The following FAM135B variants were observed in gnomAD, a reference collection of about 807,000 sequenced individuals.
The protein encoded by FAM135B is protein FAM135B.
In FAM135B, 43 loss-of-function variants were observed where a neutral mutation model predicts 127.7. The observed-to-expected ratio is 0.34, with a 90% CI of 0.26 to 0.43. FAM135B has a LOEUF of 0.43. Among genes scored for constraint, FAM135B ranks in the 20% least tolerant of loss-of-function variants. The probability of loss-of-function intolerance (pLI) is 1.00; values close to 1 mark genes in which losing one functional copy is unlikely to be tolerated. For synonymous variants in FAM135B, 670 were observed against 665.1 expected (o/e 1.01, Z -0.11); for missense variants, 1,558 against 1,725.6 (o/e 0.90, Z 1.72).
intron 18 of FAM135B, 84 bp from the exon 19 acceptor site, chr8:138,137,344 C>A: frequency 1.3e-6 from 1 of 785,926 alleles, no homozygotes. Flanking sequence ...AATTTCCAGA[C>A]TTGTCCTATA....
At chr8:138,360,090 G>A (rs1277849924) in intron 2 of FAM135B, among the ~76,000 whole-genome samples, 1 of 152,290 alleles carries the variant, frequency 6.6e-6, no homozygotes, top group African/African-American at 2.4e-5. Context: ...TAAAGAAGGA[G>A]AGGAAGAAAG....
chr8:138,261,114 G>A (rs1822505697), intron 4 of FAM135B, among the ~76,000 whole-genome samples: 1 of 149,788 alleles, frequency 6.7e-6, no homozygotes, highest in South Asian at 2.1e-4. Flanking sequence ...CAAAAACTCT[G>A]AATCAACTCA....
At chr8:138,461,164 CATGGATACTCTT>C (rs1350129666) in intron 1 of FAM135B, among the ~76,000 whole-genome samples, 1 of 152,168 alleles carries the variant, frequency 6.6e-6, no homozygotes, top group Admixed American at 6.5e-5. Flanking sequence ...CACTATTAGT[CATGGATACTCTT>C]ACGTTAAGCT....
chr8:138,142,972 C>T lies in FAM135B; in HGVS notation c.3638+40G>A, dbSNP rs73716463. 3.8e-6 allele frequency: 4 copies of T among 1,057,378 alleles called. No individual in the cohort carries two copies. In the East Asian group the frequency reaches 7.1e-5, roughly 19 times the overall value. 65.5% of individuals were successfully genotyped at this position (1,057,378 alleles called of 1,614,324 possible). A position where few individuals can be genotyped will look rare whatever the true frequency, so the allele number is the denominator to read the frequency against. ...ACAGCAAACACTCAAAAATGTCCCCCCTCTTCCCCCAGCATTAACTACCTG... is the reference window on the plus strand; with the variant it reads ...ACAGCAAACACTCAAAAATGTCCCCTCTCTTCCCCCAGCATTAACTACCTG... On this transcript the variant is annotated intron_variant, in intron 16 of 19. Transcript: ENST00000395297.
At chr8:138,298,854 T>C (rs922405309) in intron 3 of FAM135B, among the ~76,000 whole-genome samples, 15 of 150,790 alleles carry the variant, frequency 9.9e-5, no homozygotes, top group Non-Finnish European at 1.9e-4. Context: ...GAAAGGGGAG[T>C]GTTCTCAGGG....
At chr8:138,496,397 C>T (rs1815392859) in intron 1 of FAM135B, among the ~76,000 whole-genome samples, 1 of 152,226 alleles carries the variant, frequency 6.6e-6, no homozygotes, top group Non-Finnish European at 1.5e-5. Flanking sequence ...CCTCAGCCTC[C>T]ATCTGGGACT....
At chr8:138,223,893 G>A (rs1032267565) in intron 7 of FAM135B, among the ~76,000 whole-genome samples, 1 of 152,152 alleles carries the variant, frequency 6.6e-6, no homozygotes, top group Non-Finnish European at 1.5e-5. Flanking sequence ...CAGCAACATG[G>A]ATGCAGCTGG....
chr8:138,256,555 G>T, intron 5 of FAM135B, 134 bp downstream of exon 5: 1 of 719,456 alleles, frequency 1.4e-6, no homozygotes, highest in Non-Finnish European at 2.4e-6. Flanking sequence ...CTGAGTCAGG[G>T]ACATTGCAGC....
intron 1 of FAM135B, among the ~76,000 whole-genome samples, chr8:138,418,153 A>G (rs1467642765): frequency 6.6e-6 from 1 of 152,218 alleles, no homozygotes; most frequent in Non-Finnish European, 1.5e-5. Flanking sequence ...ATTTCATAAT[A>G]TAATCAGAAG....
At chr8:138,206,604 GCATCCCCTCCACCTACACACAACTCTAT>G in intron 7 of FAM135B, among the ~76,000 whole-genome samples, 1 of 67,734 alleles carries the variant, frequency 1.5e-5, no homozygotes, top group African/African-American at 5.6e-5. Flanking sequence ...CACAACTCCA[GCATCCCCTCCACCTACACACAACTCTAT>G]CATCCCCTCC....
At chr8:138,215,593 A>T (rs1490936138) in intron 7 of FAM135B, among the ~76,000 whole-genome samples, 1 of 152,252 alleles carries the variant, frequency 6.6e-6, no homozygotes, top group Non-Finnish European at 1.5e-5. Context: ...CTATGACAGA[A>T]GTTAGCAAGT....
intron 7 of FAM135B, among the ~76,000 whole-genome samples, chr8:138,207,337 T>C (rs756883587): frequency 1.8e-4 from 28 of 151,488 alleles, no homozygotes; most frequent in Non-Finnish European, 2.9e-4. Flanking sequence ...GCCTCCCAAC[T>C]AGCTGGGATT....
At chr8:138,166,540 C>T (rs1819943330) in intron 12 of FAM135B, among the ~76,000 whole-genome samples, 4 of 152,160 alleles carry the variant, frequency 2.6e-5, no homozygotes, top group Admixed American at 2.6e-4. Context: ...AAACACTGAC[C>T]TATAACACAA....
chr8:138,209,763 G>C (rs920011514), intron 7 of FAM135B, among the ~76,000 whole-genome samples: 8 of 152,120 alleles, frequency 5.3e-5, no homozygotes, highest in African/African-American at 1.9e-4. Flanking sequence ...TGTAATCATG[G>C]TATAAATTTT....
At chr8:138,438,319 G>C (rs895135676) in intron 1 of FAM135B, 42 of 152,134 alleles carry the variant, frequency 2.8e-4, no homozygotes, top group African/African-American at 1.0e-3. Flanking sequence ...TACTCCATGA[G>C]AGTTCCTGGA....
At chr8:138,299,070 A>AATACATAC (rs756306144) in intron 3 of FAM135B, among the ~76,000 whole-genome samples, 5 of 139,942 alleles carry the variant, frequency 3.6e-5, no homozygotes, top group Admixed American at 2.8e-4. Flanking sequence ...AAAATAAATA[A>AATACATAC]ATAAATAAAT....
At chr8:138,372,797 A>T (rs1304957805) in intron 1 of FAM135B, among the ~76,000 whole-genome samples, 1 of 152,172 alleles carries the variant, frequency 6.6e-6, no homozygotes, top group African/African-American at 2.4e-5. Context: ...CTCACTAAAA[A>T]AAAAATCTTG....
intron 11 of FAM135B, among the ~76,000 whole-genome samples, chr8:138,170,060 C>A (rs1820289607): frequency 7.2e-5 from 11 of 152,132 alleles, no homozygotes. Flanking sequence ...TTCTCAGACC[C>A]AACCATAGGC....
At chr8:138,226,196 AT>A (rs74859418) in intron 7 of FAM135B, among the ~76,000 whole-genome samples, 10,713 of 102,596 alleles carry the variant, frequency 0.1, 699 homozygotes, top group East Asian at 0.34. Context: ...CGCGCATGTC[AT>A]TTTTTTTTTC....
Sources: gnomAD v4.1 joint callset for allele counts (sites outside exome capture counted in the v4.1 genomes callset) on GRCh38, gnomAD v4.1.1 for gene constraint, MANE v1.5 for transcripts, NCBI Gene and HGNC (gene_info 2026-07-23, HGNC 2026-07-21) for gene names.